Variants in ITPR2 observed in about 807,000 individuals in gnomAD.
ITPR2 encodes inositol 1,4,5-trisphosphate receptor type 2.
A neutral mutation model predicts 317.1 loss-of-function variants in ITPR2; 207 were observed. The ratio of observed to expected loss-of-function variants is 0.65; its 90% CI spans 0.58 to 0.73. The LOEUF (loss-of-function observed/expected upper bound fraction) is 0.73. Among genes scored for constraint, ITPR2 ranks in the 30% least tolerant of loss-of-function variants. The probability of loss-of-function intolerance (pLI) is 0.00; values close to 1 mark genes in which losing one functional copy is unlikely to be tolerated. For missense variants in ITPR2, 2,613 were observed against 3,284.0 expected (o/e 0.80, Z 4.99); for synonymous variants, 1,156 against 1,149.1 (o/e 1.01, Z -0.12).
At chr12:26,521,688 T>G (rs111939511) in intron 37 of ITPR2, among the ~76,000 whole-genome samples, 2,943 of 151,814 alleles carry the variant, frequency 0.019, 54 homozygotes, top group African/African-American at 0.047. Context: ...GCTCAGGGAG[T>G]CCCATCCCCA....
intron 1 of ITPR2, among the ~76,000 whole-genome samples, chr12:26,820,848 A>C (rs1950927574): frequency 6.6e-6 from 1 of 152,242 alleles, no homozygotes; most frequent in Non-Finnish European, 1.5e-5. Context: ...CCTTGAAAAC[A>C]TTAAGTAAAA....
At chr12:26,604,895 A>ACCAGTCTGG (rs1181678010) in intron 26 of ITPR2, among the ~76,000 whole-genome samples, 1 of 151,940 alleles carries the variant, frequency 6.6e-6, no homozygotes, top group Non-Finnish European at 1.5e-5. Flanking sequence ...GGAGTTCGAG[A>ACCAGTCTGG]CCAGTCTGGC....
intron 48 of ITPR2, among the ~76,000 whole-genome samples, chr12:26,429,765 T>C (rs1941156878): frequency 6.6e-6 from 1 of 152,224 alleles, no homozygotes; most frequent in Non-Finnish European, 1.5e-5. Context: ...AGTTATCAAC[T>C]CCCCAAGTCA....
intron 49 of ITPR2, among the ~76,000 whole-genome samples, chr12:26,424,597 T>TG (rs1237284795): frequency 2.9e-5 from 4 of 138,342 alleles, no homozygotes; most frequent in Non-Finnish European, 6.2e-5. Context: ...TTTTTTTTTT[T>TG]TTTTTTTTTT....
In ITPR2 at chr12:26,792,684, T is replaced by C. The variant is rs543107053; in HGVS notation, c.93-2457A>G. ...ATCTACTAGAATGAGGTGCAATAGA[T>C]ACTAAATAAATATTTGTTAAATAAA... On this transcript the variant is annotated intron_variant, in intron 1 of 56. Coordinates refer to ENST00000381340, the MANE Select transcript of ITPR2 (RefSeq NM_002223.4). 7.2e-5 allele frequency among the ~76,000 whole-genome samples: 11 copies of C among 152,288 alleles called. No homozygotes were observed. In the East Asian group the frequency reaches 2.1e-3, roughly 29 times the overall value.
intron 46 of ITPR2, among the ~76,000 whole-genome samples, chr12:26,442,908 G>C (rs1941518805): frequency 6.6e-6 from 1 of 152,100 alleles, no homozygotes; most frequent in East Asian, 1.9e-4. Context: ...TGCCTGATTA[G>C]CTCTGCCAGC....
chr12:26,454,499 C>T (rs1365689754), intron 45 of ITPR2, among the ~76,000 whole-genome samples: 3 of 152,132 alleles, frequency 2.0e-5, no homozygotes, highest in African/African-American at 7.2e-5. Flanking sequence ...AGCCACCATG[C>T]CGGGCCAGAA....
chr12:26,797,922 C>CCTCTGGTGAT (rs1950481942), intron 1 of ITPR2, among the ~76,000 whole-genome samples: 4 of 151,878 alleles, frequency 2.6e-5, no homozygotes, highest in African/African-American at 4.8e-5. Context: ...AAACTCCTGA[C>CCTCTGGTGAT]CTCTGGTGAT....
rs563461488 is a variant in ITPR2 at position 26,810,255 on chromosome 12, A to C, written c.93-20028T>G. Among the ~76,000 whole-genome samples the C allele has an allele frequency of 3.3e-5, 5 of 152,312 alleles. No homozygotes were observed. The East Asian group carries it at 7.7e-4, about 23-fold the overall frequency. Reference sequence around the variant, plus strand: ...GTTTTCTTATAAAGTAATTTTGTGGATAGTTCCTACAGTGAATGGTTGCCT... The same window carrying C: ...GTTTTCTTATAAAGTAATTTTGTGGCTAGTTCCTACAGTGAATGGTTGCCT... On this transcript the variant is annotated intron_variant, in intron 1 of 56. Transcript: ENST00000381340.
intron 37 of ITPR2, among the ~76,000 whole-genome samples, chr12:26,537,819 C>T (rs528679268): frequency 2.3e-4 from 35 of 152,306 alleles, no homozygotes; most frequent in African/African-American, 8.2e-4. Flanking sequence ...AACAACTTCA[C>T]CGAGCAATCT....
intron 39 of ITPR2, among the ~76,000 whole-genome samples, chr12:26,490,898 A>C (rs1328060764): frequency 2.0e-5 from 3 of 152,246 alleles, no homozygotes; most frequent in Non-Finnish European, 4.4e-5. Context: ...AGTAAGCAGT[A>C]ATCAATTCTA....
intron 2 of ITPR2, among the ~76,000 whole-genome samples, chr12:26,735,943 C>T (rs1434765423): frequency 6.6e-6 from 1 of 152,204 alleles, no homozygotes. Context: ...TTGGCCTCTA[C>T]CTTTACTATA....
At chr12:26,364,048 G>T (rs911647840) in intron 55 of ITPR2, among the ~76,000 whole-genome samples, 1 of 152,162 alleles carries the variant, frequency 6.6e-6, no homozygotes, top group East Asian at 1.9e-4. Context: ...GCACTCTCCC[G>T]TGGATATTTG....
intron 37 of ITPR2, among the ~76,000 whole-genome samples, chr12:26,510,021 G>A (rs1015509401): frequency 7.3e-6 from 1 of 136,992 alleles, no homozygotes; most frequent in Non-Finnish European, 1.6e-5. Flanking sequence ...GGTGGGGGTG[G>A]GGAGAGAAGG....
At chr12:26,417,579 A>T (rs1457273751) in intron 50 of ITPR2, among the ~76,000 whole-genome samples, 1 of 152,152 alleles carries the variant, frequency 6.6e-6, no homozygotes, top group African/African-American at 2.4e-5. Context: ...TTCTGCCACC[A>T]TGTAAGACAT....
chr12:26,367,966 T>C (rs998675357), intron 55 of ITPR2, among the ~76,000 whole-genome samples: 8 of 152,182 alleles, frequency 5.3e-5, no homozygotes, highest in Admixed American at 2.6e-4. Flanking sequence ...TTTGTGATTT[T>C]CCCCTGCAGA....
Position 26,832,806 on chromosome 12 carries a change from G to A in ITPR2, c.-25C>T, listed in dbSNP as rs775014601. The A allele has an allele frequency of 4.5e-6, 7 of 1,554,028 alleles. No homozygotes were observed. The African/African-American group carries it at 8.3e-5, about 19-fold the overall frequency. On this transcript the variant is annotated 5_prime_UTR_variant, in exon 1 of 57. In the 5' UTR this introduces an upstream ATG that the reference lacks. Transcript: ENST00000381340. ...TGCTGCTTCATGTTCCACAGTGGAC[G>A]TCCCTCTTCTTCCCTGCGCCCTCGC...
chr12:26,574,918 C>T (rs988567355), intron 34 of ITPR2, among the ~76,000 whole-genome samples: 1 of 151,848 alleles, frequency 6.6e-6, no homozygotes, highest in African/African-American at 2.4e-5. Flanking sequence ...ACAGATCTGT[C>T]CCCACGATCC....
intron 32 of ITPR2, among the ~76,000 whole-genome samples, chr12:26,587,461 G>C (rs745909725): frequency 3.3e-5 from 5 of 152,126 alleles, no homozygotes; most frequent in Non-Finnish European, 7.4e-5. Context: ...AAGTTATGCA[G>C]ATACAGGGAA....
Sources: gnomAD v4.1 joint callset for allele counts (sites outside exome capture counted in the v4.1 genomes callset) on GRCh38, gnomAD v4.1.1 for gene constraint, MANE v1.5 for transcripts, NCBI Gene and HGNC (gene_info 2026-07-23, HGNC 2026-07-21) for gene names.